UBR1: variants seen among roughly 807,000 people sequenced by gnomAD.
UBR1 encodes E3 ubiquitin-protein ligase UBR1.
UBR1 carries 102 observed loss-of-function variants against 242.1 expected under a neutral mutation model. The ratio of observed to expected loss-of-function variants is 0.42; its 90% CI spans 0.36 to 0.50. UBR1 has a LOEUF of 0.50. Among genes scored for constraint, UBR1 ranks in the 20% least tolerant of loss-of-function variants. The pLI is 0.01. For synonymous variants in UBR1, 675 were observed against 684.8 expected (o/e 0.99, Z 0.22); for missense variants, 1,772 against 2,101.8 (o/e 0.84, Z 3.07).
Position 42,950,735 on chromosome 15 carries a change from C to G in UBR1, c.5007-372G>C, listed in dbSNP as rs1174300467. Among the ~76,000 whole-genome samples, 3 of 152,156 alleles carry G rather than the reference C, an allele frequency of 2.0e-5. No homozygotes were observed. The South Asian group carries it at 6.2e-4, about 32-fold the overall frequency. ...GAGGGGAGGGAACCTCACAGAAGAA[C>G]AGAATCACATCTCCTAGTCTGATAA... is the stretch of plus-strand genomic sequence containing the variant. On this transcript the variant is annotated intron_variant, in intron 45 of 46. Coordinates refer to ENST00000290650, the MANE Select transcript of UBR1 (RefSeq NM_174916.3).
At chr15:43,091,255 A>G (rs1234394858) in intron 1 of UBR1, among the ~76,000 whole-genome samples, 1 of 152,152 alleles carries the variant, frequency 6.6e-6, no homozygotes, top group African/African-American at 2.4e-5. Flanking sequence ...CAGTTTTAAA[A>G]TCTACCTTTA....
At chr15:43,022,245 TA>T (rs1399798374) in intron 26 of UBR1, among the ~76,000 whole-genome samples, 2 of 152,154 alleles carry the variant, frequency 1.3e-5, no homozygotes, top group African/African-American at 4.8e-5. Context: ...AAATCTAATT[TA>T]AAACTATCCT....
chr15:43,013,226 C>T (rs996919473), intron 29 of UBR1, among the ~76,000 whole-genome samples: 2 of 152,266 alleles, frequency 1.3e-5, no homozygotes, highest in South Asian at 2.1e-4. Flanking sequence ...TTGTTTTAAA[C>T]AGCAGTGAAA....
rs200575581 is a variant in UBR1, at chr15:42,995,125, GAT to G, written c.3757+3041_3757+3042del. On this transcript the variant is annotated intron_variant, in intron 33 of 46. Transcript: ENST00000290650. ...ACAGAGGTCCTACTGCTAATAAAGT[GAT>G]ATTTCTACTTAATGCCATGTTTGAG... Among the ~76,000 whole-genome samples the G allele has an allele frequency of 8.5e-3, 1,296 of 152,170 alleles. 19 individuals carry two copies. Among genetic ancestry groups the G allele is most frequent in the African/African-American group, 0.03 (1,226 of 41,502 alleles).
chr15:43,022,744 G>C lies in UBR1; in HGVS notation c.2797C>G (p.Pro933Ala), dbSNP rs777250042. The C allele has an allele frequency of 6.2e-7, 1 of 1,612,290 alleles. No homozygotes were observed. The highest frequency in any genetic ancestry group is 1.1e-5 in the South Asian group (1 of 90,930). Residue 933 changes from proline (P) to alanine (A), a missense_variant, in exon 26 of 47, where the codon CCT becomes GCT. Transcript: ENST00000290650. ...LEEKQQLQKAPEEEVTFDFYH... is the reference protein window; with the variant it reads ...LEEKQQLQKAAEEEVTFDFYH... Reference sequence around the variant, plus strand: ...AAGTCAAATGTTACTTCTTCTTCAGGAGCTTTTTGAAGCTGTTGCTTCTCT... The same window carrying C: ...AAGTCAAATGTTACTTCTTCTTCAGCAGCTTTTTGAAGCTGTTGCTTCTCT...
chr15:43,013,912 T>C (rs2032964882), intron 29 of UBR1, among the ~76,000 whole-genome samples: 1 of 146,420 alleles, frequency 6.8e-6, no homozygotes, highest in African/African-American at 2.5e-5. Flanking sequence ...TCTCTTTCCA[T>C]GGTCTCCCTC....
chr15:43,033,287 C>A (rs370711222), intron 19 of UBR1, among the ~76,000 whole-genome samples: 2 of 151,670 alleles, frequency 1.3e-5, no homozygotes, highest in South Asian at 2.1e-4. Context: ...CCAAGGTATG[C>A]GGATCATGAG....
At chr15:43,105,845 C>T in intron 1 of UBR1, 97 bp downstream of exon 1, 1 of 1,234,306 alleles carries the variant, frequency 8.1e-7, no homozygotes, top group South Asian at 1.2e-5. Flanking sequence ...ACTCCCCCTC[C>T]CCAGAGCCGC....
At position 42,943,936 on chromosome 15, in the gene UBR1, T is replaced by G. The variant is rs936154550; in HGVS notation, c.*1393A>C. On this transcript the variant is annotated 3_prime_UTR_variant, in exon 47 of 47. Coordinates refer to ENST00000290650, the MANE Select transcript of UBR1 (RefSeq NM_174916.3). ...ACTGCAAAATCCACTTTTCTTTACA[T>G]AAAAGTACCAAAAAAATCTAGCCCC... is the stretch of plus-strand genomic sequence containing the variant. 6.6e-6 allele frequency: 1 copy of G among 152,306 alleles called. No homozygotes were observed. The highest frequency in any genetic ancestry group is 6.6e-5 in the Admixed American group (1 of 15,266). The allele number at this position is 152,306 out of a possible 1,614,324, so 9.4% of individuals were successfully genotyped here.
intron 42 of UBR1, 51 bp downstream of exon 42, chr15:42,963,884 A>C: frequency 1.4e-6 from 2 of 1,430,310 alleles, no homozygotes; most frequent in South Asian, 2.3e-5. Context: ...TGTAATTTTA[A>C]AATTTCAAAT....
chr15:42,976,891 A>G (rs2032298970), intron 38 of UBR1, 24 bp from the exon 39 acceptor site: 3 of 1,610,228 alleles, frequency 1.9e-6, no homozygotes, highest in East Asian at 2.2e-5. Context: ...ATGGACATCA[A>G]TATGGCTAAT....
intron 29 of UBR1, among the ~76,000 whole-genome samples, chr15:43,010,006 G>C (rs939074134): frequency 5.3e-5 from 8 of 152,132 alleles, no homozygotes; most frequent in African/African-American, 1.9e-4. Context: ...GAAGTAGCTG[G>C]GATTACAGGC....
chr15:43,098,314 T>A (rs2034184760), intron 1 of UBR1, among the ~76,000 whole-genome samples: 1 of 152,124 alleles, frequency 6.6e-6, no homozygotes, highest in African/African-American at 2.4e-5. Context: ...ATAACAGATA[T>A]AATAATGAAA....
chr15:42,993,478 C>T (rs1304616045), intron 33 of UBR1, among the ~76,000 whole-genome samples: 1 of 151,912 alleles, frequency 6.6e-6, no homozygotes, highest in African/African-American at 2.4e-5. Context: ...TCAGATTCTC[C>T]TGCCTCAACC....
intron 1 of UBR1, among the ~76,000 whole-genome samples, chr15:43,100,848 T>C (rs1302204967): frequency 6.6e-6 from 1 of 152,088 alleles, no homozygotes; most frequent in Non-Finnish European, 1.5e-5. Context: ...AAAAGATGCA[T>C]CAATGAACAA....
At chr15:43,074,844 A>G in intron 4 of UBR1, 135 bp downstream of exon 4, 2 of 708,480 alleles carry the variant, frequency 2.8e-6, no homozygotes, top group Non-Finnish European at 5.0e-6. Flanking sequence ...AGCTAGAAAA[A>G]AAGCCTCCTT....
At chr15:43,038,796 C>T (rs1358967007) in intron 15 of UBR1, among the ~76,000 whole-genome samples, 1 of 151,890 alleles carries the variant, frequency 6.6e-6, no homozygotes, top group Non-Finnish European at 1.5e-5. Context: ...CTGCCTTTAG[C>T]CACGTATCAA....
chr15:43,080,686 G>A (rs2033965180), intron 3 of UBR1, among the ~76,000 whole-genome samples: 1 of 152,178 alleles, frequency 6.6e-6, no homozygotes, highest in Non-Finnish European at 1.5e-5. Flanking sequence ...CGGGCGTGGT[G>A]GCTCACACCT....
chr15:43,024,973 T>C lies in UBR1; in HGVS notation c.2595A>G (p.Pro865=), dbSNP rs148066298. The C allele has an allele frequency of 3.5e-4, 565 of 1,614,028 alleles. 1 individual carries two copies. The highest frequency in any genetic ancestry group is 4.4e-4 in the Non-Finnish European group (520 of 1,180,010). The change falls in exon 25 of 47, where the codon CCA becomes CCG. Residue 865 remains proline, a synonymous_variant. Coordinates refer to ENST00000290650, the MANE Select transcript of UBR1 (RefSeq NM_174916.3). ...KQENKDEALP[P]PPPPEFCPAF... is the part of the protein sequence containing the mutation. ...CAGGGCAGAATTCAGGAGGTGGTGG[T>C]GGCGGCAATGCTATAGGAGGTGGGG...
Sources: allele counts gnomAD v4.1 joint callset (sites outside exome capture counted in the v4.1 genomes callset), GRCh38; gene constraint gnomAD v4.1.1; transcripts MANE v1.5; gene names NCBI Gene and HGNC (gene_info 2026-07-23, HGNC 2026-07-21).